The following DNM3 variants were observed in gnomAD, a reference collection of about 807,000 sequenced individuals.
The protein encoded by DNM3 is dynamin 3, also known as dynamin-3.
Under a neutral mutation model 101.6 loss-of-function variants are expected in DNM3, and 47 were observed. That is an observed-to-expected ratio of 0.46 (90% CI 0.37 to 0.59). DNM3 has a LOEUF of 0.59. Among genes scored for constraint, DNM3 ranks in the 20% least tolerant of loss-of-function variants. The probability of loss-of-function intolerance (pLI) is 0.00; values close to 1 mark genes in which losing one functional copy is unlikely to be tolerated. For synonymous variants in DNM3, 385 were observed against 387.9 expected (o/e 0.99, Z 0.09); for missense variants, 849 against 1,085.7 (o/e 0.78, Z 3.06).
intron 13 of DNM3, among the ~76,000 whole-genome samples, chr1:172,110,972 G>A (rs940824554): frequency 3.3e-5 from 5 of 152,228 alleles, no homozygotes; most frequent in Non-Finnish European, 4.4e-5. Context: ...GGAGATCGAG[G>A]TTGCAGTAAG....
intron 1 of DNM3, among the ~76,000 whole-genome samples, chr1:171,897,208 C>CAT (rs2037892799): frequency 6.6e-6 from 1 of 152,082 alleles, no homozygotes; most frequent in Non-Finnish European, 1.5e-5. Context: ...TTTCACGAAT[C>CAT]AGTTTTAAAA....
intron 14 of DNM3, among the ~76,000 whole-genome samples, chr1:172,253,058 C>T (rs1025618053): frequency 2.6e-5 from 4 of 152,060 alleles, no homozygotes; most frequent in Admixed American, 1.3e-4. Context: ...CCTGTGCTTC[C>T]ACTCCCCTGC....
At chr1:172,322,311 C>G (rs2065754468) in intron 16 of DNM3, among the ~76,000 whole-genome samples, 1 of 152,200 alleles carries the variant, frequency 6.6e-6, no homozygotes, top group Non-Finnish European at 1.5e-5. Context: ...CAGCTCTCTT[C>G]CACCCTGTGT....
At chr1:171,944,521 G>A (rs565891517) in intron 2 of DNM3, among the ~76,000 whole-genome samples, 17 of 151,944 alleles carry the variant, frequency 1.1e-4, no homozygotes, top group African/African-American at 4.1e-4. Context: ...CCACAAGCGT[G>A]TGCCATCATG....
At chr1:171,889,347 A>G (rs2037059347) in intron 1 of DNM3, among the ~76,000 whole-genome samples, 1 of 152,182 alleles carries the variant, frequency 6.6e-6, no homozygotes, top group African/African-American at 2.4e-5. Flanking sequence ...AAACAAAACG[A>G]CAACAACAAA....
intron 1 of DNM3, among the ~76,000 whole-genome samples, chr1:171,912,064 C>T (rs1388070880): frequency 6.6e-6 from 1 of 152,076 alleles, no homozygotes; most frequent in Admixed American, 6.5e-5. Context: ...GCAGCAAAAC[C>T]CAGCTCAGTT....
intron 4 of DNM3, among the ~76,000 whole-genome samples, chr1:172,024,012 G>A (rs1000207390): frequency 2.1e-4 from 32 of 151,008 alleles, no homozygotes; most frequent in African/African-American, 7.5e-4. Context: ...TTCTAATTTT[G>A]TTCCATGAAT....
At chr1:172,286,068 T>TTATATATATA (rs143628364) in intron 15 of DNM3, among the ~76,000 whole-genome samples, 2,435 of 147,434 alleles carry the variant, frequency 0.017, 35 homozygotes, top group South Asian at 0.039. Context: ...AGTGAGTTAT[T>TTATATATATA]TATATATATA....
intron 11 of DNM3, among the ~76,000 whole-genome samples, chr1:172,080,024 G>A (rs904606358): frequency 2.0e-5 from 3 of 152,190 alleles, no homozygotes; most frequent in Admixed American, 1.3e-4. Context: ...CCCACCAGAT[G>A]CCAGCCGGGG....
intron 14 of DNM3, among the ~76,000 whole-genome samples, chr1:172,134,013 C>A (rs2057084879): frequency 6.6e-6 from 1 of 152,114 alleles, no homozygotes; most frequent in African/African-American, 2.4e-5. Flanking sequence ...ATTGCCCTGG[C>A]TGCTGGATTG....
At chr1:171,982,432 G>C (rs2044873419) in intron 2 of DNM3, among the ~76,000 whole-genome samples, 1 of 152,112 alleles carries the variant, frequency 6.6e-6, no homozygotes, top group South Asian at 2.1e-4. Context: ...GAAAAGCCAG[G>C]TCAGCTTGTT....
chr1:172,388,835 G>T (rs1283031596), intron 20 of DNM3, 26 bp downstream of exon 20: 1 of 1,519,910 alleles, frequency 6.6e-7, no homozygotes, highest in Non-Finnish European at 8.9e-7. Context: ...GAAATTGGGG[G>T]GGTAGTGCGC....
At chr1:172,113,660 A>G (rs2055675867) in intron 13 of DNM3, among the ~76,000 whole-genome samples, 1 of 147,970 alleles carries the variant, frequency 6.8e-6, no homozygotes, top group Non-Finnish European at 1.5e-5. Flanking sequence ...CAGGAAGTCC[A>G]TGTTTTCTTA....
chr1:172,272,359 C>T (rs1479810968), intron 15 of DNM3, among the ~76,000 whole-genome samples: 1 of 152,040 alleles, frequency 6.6e-6, no homozygotes, highest in Non-Finnish European at 1.5e-5. Flanking sequence ...TCAGGATATC[C>T]TTAAGTGAAA....
chr1:172,359,693 TAA>T (rs1164582817), intron 17 of DNM3, among the ~76,000 whole-genome samples: 2 of 152,040 alleles, frequency 1.3e-5, no homozygotes, highest in Non-Finnish European at 2.9e-5. Flanking sequence ...GGAAGGTATT[TAA>T]AAGTCTTTTA....
chr1:171,861,496 G>A (rs1277179949), intron 1 of DNM3, among the ~76,000 whole-genome samples: 1 of 152,094 alleles, frequency 6.6e-6, no homozygotes, highest in Admixed American at 6.6e-5. Context: ...GGAAAGAGTA[G>A]CCTTTTCAAC....
intron 9 of DNM3, among the ~76,000 whole-genome samples, 157 bp from the exon 10 acceptor site, chr1:172,048,455 A>G (rs112400004): frequency 6.4e-4 from 97 of 152,330 alleles, no homozygotes; most frequent in Non-Finnish European, 8.7e-4. Context: ...AGGTCACATG[A>G]TGTGCCACAT....
At chr1:172,229,455 A>G (rs2061252646) in intron 14 of DNM3, among the ~76,000 whole-genome samples, 1 of 152,166 alleles carries the variant, frequency 6.6e-6, no homozygotes, top group Non-Finnish European at 1.5e-5. Context: ...ATTTATTTGT[A>G]ATGAACAGCA....
intron 2 of DNM3, among the ~76,000 whole-genome samples, chr1:171,977,417 C>T (rs1285835285): frequency 6.6e-6 from 1 of 151,944 alleles, no homozygotes; most frequent in Admixed American, 6.6e-5. Flanking sequence ...CAAGAAGTGA[C>T]AACTGTAAAC....
Sources: allele counts gnomAD v4.1 joint callset (sites outside exome capture counted in the v4.1 genomes callset), GRCh38; gene constraint gnomAD v4.1.1; transcripts MANE v1.5; gene names NCBI Gene and HGNC (gene_info 2026-07-23, HGNC 2026-07-21).